Variants in ABTB2 observed in about 807,000 individuals in gnomAD.
ABTB2 encodes ankyrin repeat and BTB/POZ domain-containing protein 2.
ABTB2 carries 56 observed loss-of-function variants against 104.1 expected under a neutral mutation model. The ratio of observed to expected loss-of-function variants is 0.54; its 90% CI spans 0.43 to 0.67. The LOEUF (loss-of-function observed/expected upper bound fraction) is 0.67. ABTB2 is among the 30% of genes least tolerant of loss of function. ABTB2 has a pLI of 0.00. For synonymous variants in ABTB2, 606 were observed against 608.2 expected (o/e 1.00, Z 0.05); for missense variants, 1,279 against 1,407.7 (o/e 0.91, Z 1.46).
chr11:34,328,375 C>T (rs1855094266), intron 1 of ABTB2, among the ~76,000 whole-genome samples: 1 of 152,132 alleles, frequency 6.6e-6, no homozygotes, highest in East Asian at 1.9e-4. Context: ...TGGAGGGAGC[C>T]TGGTGTGAGG....
At chr11:34,167,881 C>A (rs1565130194) in intron 6 of ABTB2, 22 bp downstream of exon 6, 1 of 1,613,040 alleles carries the variant, frequency 6.2e-7, no homozygotes, top group Admixed American at 1.7e-5. Context: ...GGCCTGGGTG[C>A]AGCTCTGTGG....
intron 1 of ABTB2, among the ~76,000 whole-genome samples, chr11:34,214,526 A>T (rs1220787055): frequency 1.4e-5 from 2 of 146,170 alleles, no homozygotes; most frequent in Non-Finnish European, 2.9e-5. Context: ...AATGTTAAAA[A>T]TACCACTTTT....
intron 13 of ABTB2, 121 bp downstream of exon 13, chr11:34,159,785 G>T: frequency 2.6e-6 from 2 of 774,038 alleles, no homozygotes; most frequent in Non-Finnish European, 4.3e-6. Flanking sequence ...CAATGTGACT[G>T]CAGTCTGAGG....
chr11:34,251,320 G>A (rs1444250851), intron 1 of ABTB2, among the ~76,000 whole-genome samples: 4 of 152,228 alleles, frequency 2.6e-5, no homozygotes, highest in East Asian at 1.9e-4. Flanking sequence ...CTCAGACAGC[G>A]CTGACACTGA....
chr11:34,255,408 G>T (rs1389441743), intron 1 of ABTB2, among the ~76,000 whole-genome samples: 4 of 152,150 alleles, frequency 2.6e-5, no homozygotes, highest in African/African-American at 9.7e-5. Context: ...AAAGGACAAG[G>T]TGCTCAGGAT....
At chr11:34,313,733 T>C (rs1176870668) in intron 1 of ABTB2, among the ~76,000 whole-genome samples, 5 of 152,246 alleles carry the variant, frequency 3.3e-5, no homozygotes, top group Non-Finnish European at 5.9e-5. Context: ...GAGGTTATGA[T>C]AGGACTTTGC....
At chr11:34,191,999 AG>A (rs1853181576) in intron 3 of ABTB2, among the ~76,000 whole-genome samples, 1 of 152,224 alleles carries the variant, frequency 6.6e-6, no homozygotes, top group Admixed American at 6.5e-5. Context: ...CTGTTCTAAA[AG>A]TATGTAGTGA....
intron 1 of ABTB2, chr11:34,334,989 T>C (rs1855176756): frequency 3.7e-6 from 2 of 535,020 alleles, no homozygotes; most frequent in Admixed American, 3.4e-5. Flanking sequence ...CTTACCAATG[T>C]TGTAAATTCA....
chr11:34,197,027 G>A (rs1308733852), intron 3 of ABTB2, among the ~76,000 whole-genome samples: 1 of 152,180 alleles, frequency 6.6e-6, no homozygotes, highest in Non-Finnish European at 1.5e-5. Flanking sequence ...TTATAACAAG[G>A]CAGCTGAATT....
chr11:34,269,557 C>T (rs1854289340), intron 1 of ABTB2, among the ~76,000 whole-genome samples: 2 of 152,242 alleles, frequency 1.3e-5, no homozygotes, highest in Admixed American at 6.5e-5. Context: ...CAACTCCCCA[C>T]CTCGTCTGTT....
At chr11:34,355,719 T>C (rs2063938446) in intron 1 of ABTB2, among the ~76,000 whole-genome samples, 1 of 152,182 alleles carries the variant, frequency 6.6e-6, no homozygotes, top group African/African-American at 2.4e-5. Context: ...CATAATACCA[T>C]TCTGAACAGT....
intron 1 of ABTB2, among the ~76,000 whole-genome samples, chr11:34,324,396 C>T (rs1271277106): frequency 1.3e-5 from 2 of 152,198 alleles, no homozygotes; most frequent in East Asian, 1.9e-4. Context: ...ATTCTTTCTT[C>T]TGAGCCTGAA....
chr11:34,219,720 A>G (rs185964215), intron 1 of ABTB2, among the ~76,000 whole-genome samples: 1 of 152,322 alleles, frequency 6.6e-6, no homozygotes, highest in East Asian at 1.9e-4. Flanking sequence ...ATAGCCCAGG[A>G]GCACTTGGAT....
At chr11:34,242,520 A>G (rs1228943900) in intron 1 of ABTB2, 3 of 152,300 alleles carry the variant, frequency 2.0e-5, no homozygotes, top group Admixed American at 2.0e-4. Context: ...CACTGAGCTG[A>G]GTGGCTGCTG....
At chr11:34,292,771 T>C (rs975681961) in intron 1 of ABTB2, among the ~76,000 whole-genome samples, 4 of 151,894 alleles carry the variant, frequency 2.6e-5, no homozygotes, top group East Asian at 3.9e-4. Flanking sequence ...GAGGTGGCAA[T>C]GAAGCAGAGA....
chr11:34,195,364 G>A (rs1351572869), intron 3 of ABTB2, among the ~76,000 whole-genome samples: 1 of 152,188 alleles, frequency 6.6e-6, no homozygotes, highest in Non-Finnish European at 1.5e-5. Flanking sequence ...TGGGGCTTAG[G>A]GCCTATGCTT....
rs1230525810 is a variant in ABTB2, at chr11:34,151,473, T to C, written c.*914A>G. 6.6e-6 allele frequency: 1 copy of C among 152,204 alleles called. No homozygotes were observed. The highest frequency in any genetic ancestry group is 1.5e-5 in the Non-Finnish European group (1 of 68,042). 9.4% of individuals were successfully genotyped at this position (152,204 alleles called of 1,614,324 possible). On this transcript the variant is annotated 3_prime_UTR_variant, in exon 17 of 17. Coordinates refer to ENST00000435224, the MANE Select transcript of ABTB2 (RefSeq NM_145804.3). Reference sequence around the variant, plus strand: ...TGGGACCTGTTTGCCCAGCTCTCAATCCTACATTAAAGGAGCCGAGAGACT... The same window carrying C: ...TGGGACCTGTTTGCCCAGCTCTCAACCCTACATTAAAGGAGCCGAGAGACT...
At chr11:34,272,543 T>A (rs1590236785) in intron 1 of ABTB2, among the ~76,000 whole-genome samples, 1 of 151,280 alleles carries the variant, frequency 6.6e-6, no homozygotes, top group South Asian at 2.1e-4. Context: ...CCGTCTCTAC[T>A]AAAAATACAA....
chr11:34,164,565 C>G, intron 9 of ABTB2, 121 bp downstream of exon 9: 1 of 1,200,162 alleles, frequency 8.3e-7, no homozygotes, highest in Non-Finnish European at 1.1e-6. Flanking sequence ...AGCACACAGG[C>G]CCCCTGTTTT....
Sources: allele counts gnomAD v4.1 joint callset (sites outside exome capture counted in the v4.1 genomes callset), GRCh38; gene constraint gnomAD v4.1.1; transcripts MANE v1.5; gene names NCBI Gene and HGNC (gene_info 2026-07-23, HGNC 2026-07-21).